PARP4: variants seen among roughly 807,000 people sequenced by gnomAD.
PARP4 encodes the protein protein mono-ADP-ribosyltransferase PARP4.
PARP4 carries 120 observed loss-of-function variants against 187.7 expected under a neutral mutation model. The ratio of observed to expected loss-of-function variants is 0.64; its 90% CI spans 0.55 to 0.74. PARP4 has a LOEUF of 0.74. Among genes scored for constraint, PARP4 ranks in the 30% least tolerant of loss-of-function variants. The pLI is 0.00. For synonymous variants in PARP4, 654 were observed against 740.9 expected (o/e 0.88, Z 1.90); for missense variants, 1,836 against 2,070.5 (o/e 0.89, Z 2.20).
Position 24,446,939 on chromosome 13 carries a change from G to A in PARP4, c.3285+77C>T, listed in dbSNP as rs183274870. 17 of 1,512,272 alleles carry A rather than the reference G, an allele frequency of 1.1e-5. No homozygotes were observed. In the East Asian group the frequency reaches 3.6e-4, roughly 32 times the overall value. 93.7% of individuals were successfully genotyped at this position (1,512,272 alleles called of 1,614,324 possible). ...AGAAGAAAATCTGCTGGTGAGAAGG[G>A]GAGGGAAGAAGACAGAAAAAAAATT... On this transcript the variant is annotated intron_variant, in intron 26 of 33. Transcript: ENST00000381989.
intron 9 of PARP4, among the ~76,000 whole-genome samples, chr13:24,491,224 G>A (rs1184925500): frequency 6.6e-6 from 1 of 151,854 alleles, no homozygotes. Context: ...GGGTTCAAGC[G>A]ATTCTCCTGC....
intron 1 of PARP4, among the ~76,000 whole-genome samples, chr13:24,506,711 A>C (rs1024665234): frequency 2.0e-5 from 3 of 152,170 alleles, no homozygotes; most frequent in African/African-American, 7.2e-5. Context: ...AGCTAGACAT[A>C]AAGTTCTCCA....
intron 17 of PARP4, among the ~76,000 whole-genome samples, chr13:24,468,444 G>A (rs982655321): frequency 1.8e-5 from 2 of 113,746 alleles, no homozygotes; most frequent in African/African-American, 7.0e-5. Flanking sequence ...CGCTCTTGTT[G>A]CCCAGGCTGG....
At chr13:24,428,934 C>T (rs1000640894) in intron 32 of PARP4, among the ~76,000 whole-genome samples, 1 of 152,182 alleles carries the variant, frequency 6.6e-6, no homozygotes, top group African/African-American at 2.4e-5. Context: ...CTTTCACCTT[C>T]TGAAACCCTG....
Position 24,457,770 on chromosome 13 carries a change from CAAAAAAAAAAAAA to C in PARP4, c.2424+1261_2424+1273del, listed in dbSNP as rs33930012. Among the ~76,000 whole-genome samples, 216 of 85,656 alleles carry C rather than the reference CAAAAAAAAAAAAA, an allele frequency of 2.5e-3. 1 individual carries two copies. Among genetic ancestry groups the C allele is most frequent in the African/African-American group, 9.9e-3 (198 of 19,952 alleles). 56.2% of individuals were successfully genotyped at this position (85,656 alleles called of 152,430 possible). On this transcript the variant is annotated intron_variant, in intron 20 of 33. Transcript: ENST00000381989. ...TGGGAAACAGAGTAAGACTCTGTCT[CAAAAAAAAAAAAA>C]AAAAAAAAAAAAAGAAAAAAGAAAA...
chr13:24,425,551 G>GTA (rs1159207751), intron 33 of PARP4, among the ~76,000 whole-genome samples: 1 of 51,964 alleles, frequency 1.9e-5, no homozygotes, highest in Non-Finnish European at 3.7e-5. Context: ...GCATGTGTGT[G>GTA]TGTGTGTGTG....
intron 30 of PARP4, among the ~76,000 whole-genome samples, chr13:24,441,617 C>A (rs550519699): frequency 6.6e-6 from 1 of 152,342 alleles, no homozygotes; most frequent in East Asian, 1.9e-4. Context: ...AGAAGCACAG[C>A]CAGAGGTGTT....
Position 24,455,501 on chromosome 13 carries a change from A to ATG in PARP4, c.2563-290_2563-289insCA, listed in dbSNP as rs1322113496. 6.4e-4 allele frequency among the ~76,000 whole-genome samples: 89 copies of ATG among 139,970 alleles called. 1 individual carries two copies. Among genetic ancestry groups the ATG allele is most frequent in the African/African-American group, 2.2e-3 (85 of 37,870 alleles). The allele number at this position is 139,970 out of a possible 152,430, so 91.8% of individuals were successfully genotyped here. A position where few individuals can be genotyped will look rare whatever the true frequency, so the allele number is the denominator to read the frequency against. Reference sequence around the variant, plus strand: ...AACAAATATATATATATATATATATATATATCACACTATTCTAAGAGGAAT... The same window carrying ATG: ...AACAAATATATATATATATATATATATGTATATCACACTATTCTAAGAGGAAT... On this transcript the variant is annotated intron_variant, in intron 21 of 33. Transcript: ENST00000381989.
rs529231618 is a variant in PARP4, at chr13:24,458,570, C to G, written c.2424+474G>C. On this transcript the variant is annotated intron_variant, in intron 20 of 33. Coordinates refer to ENST00000381989, the MANE Select transcript of PARP4 (RefSeq NM_006437.4). ...CTAGTCTGGGTGACAGAGCAAGACC[C>G]TGTCTCAAAAAATAAAACAAAACAA... Among the ~76,000 whole-genome samples the G allele has an allele frequency of 2.7e-3, 413 of 152,114 alleles. 2 individuals carry two copies. Among genetic ancestry groups the G allele is most frequent in the Non-Finnish European group, 4.7e-3 (319 of 67,994 alleles).
chr13:24,501,995 A>G (rs9578754), intron 2 of PARP4, among the ~76,000 whole-genome samples, 161 bp from the exon 3 acceptor site: 1,872 of 152,336 alleles, frequency 0.012, 39 homozygotes, highest in African/African-American at 0.042. Context: ...TTCTAGTTAC[A>G]TAAACATTTT....
intron 15 of PARP4, among the ~76,000 whole-genome samples, chr13:24,473,977 T>C (rs1872850817): frequency 6.6e-6 from 1 of 152,182 alleles, no homozygotes; most frequent in Non-Finnish European, 1.5e-5. Context: ...CTTTAAACAC[T>C]ATGTGAATGC....
intron 3 of PARP4, 150 bp downstream of exon 3, chr13:24,501,483 C>CT (rs955363410): frequency 1.5e-4 from 90 of 607,968 alleles, no homozygotes; most frequent in Non-Finnish European, 2.4e-4. Flanking sequence ...GTCTTTTGTC[C>CT]TTTGTTATTT....
intron 20 of PARP4, among the ~76,000 whole-genome samples, chr13:24,458,131 A>C (rs1871985214): frequency 7.0e-6 from 1 of 142,928 alleles, no homozygotes; most frequent in Non-Finnish European, 1.5e-5. Flanking sequence ...TTTTTTTGAG[A>C]TGGAGTCTCG....
intron 32 of PARP4, among the ~76,000 whole-genome samples, chr13:24,427,874 C>T (rs1025417769): frequency 3.3e-5 from 5 of 152,044 alleles, no homozygotes; most frequent in Admixed American, 1.3e-4. Flanking sequence ...GTATTATTTA[C>T]AAAATGTTAG....
intron 12 of PARP4, among the ~76,000 whole-genome samples, chr13:24,479,919 C>A (rs1314309539): frequency 1.3e-5 from 2 of 152,010 alleles, no homozygotes; most frequent in South Asian, 2.1e-4. Flanking sequence ...TCCTGAAGCC[C>A]GCGAGACCAC....
Position 24,501,647 on chromosome 13 carries a change from T to G in PARP4, c.320A>C (p.Lys107Thr). Reference sequence around the variant, plus strand: ...GAAATACCTACCAGAACTGCTCGCCTTCTGATCAGGAGGTGGTGTGATGTC... The same window carrying G: ...GAAATACCTACCAGAACTGCTCGCCGTCTGATCAGGAGGTGGTGTGATGTC... Reference protein sequence around the residue: ...PLDITPPPDQKASSSEVKTEG... With the variant: ...PLDITPPPDQTASSSEVKTEG... The change falls in exon 3 of 34, where the codon AAG becomes ACG. Residue 107 changes from lysine to threonine, a missense_variant. Lys to Thr is a moderately conservative substitution (Grantham distance 78). Transcript: ENST00000381989. The G allele has an allele frequency of 1.2e-6, 2 of 1,612,578 alleles. No homozygotes were observed. The highest frequency in any genetic ancestry group is 1.1e-5 in the South Asian group (1 of 91,044).
intron 2 of PARP4, 97 bp from the exon 3 acceptor site, chr13:24,501,931 GTAGTTTGTGATAA>G: frequency 1.3e-6 from 1 of 753,292 alleles, no homozygotes; most frequent in South Asian, 1.8e-5. Flanking sequence ...AAGTATTAAG[GTAGTTTGTGATAA>G]TCTTTCTCAA....
intron 27 of PARP4, 31 bp from the exon 28 acceptor site, chr13:24,443,761 TTCAC>T (rs763069501): frequency 7.0e-7 from 1 of 1,419,798 alleles, no homozygotes; most frequent in South Asian, 1.2e-5. Flanking sequence ...AAAAAAAATA[TTCAC>T]ATGGCTTCTA....
intron 18 of PARP4, 118 bp from the exon 19 acceptor site, chr13:24,459,428 C>A: frequency 2.1e-6 from 2 of 955,840 alleles, no homozygotes; most frequent in African/African-American, 1.7e-5. Flanking sequence ...GTTTCACTTT[C>A]AAGCAGTGAA....
Sources: allele counts gnomAD v4.1 joint callset (sites outside exome capture counted in the v4.1 genomes callset), GRCh38; gene constraint gnomAD v4.1.1; transcripts MANE v1.5; gene names NCBI Gene and HGNC (gene_info 2026-07-23, HGNC 2026-07-21).